Variants in MAJIN observed in about 807,000 individuals in gnomAD.
MAJIN encodes the protein membrane-anchored junction protein.
MAJIN carries 27 observed loss-of-function variants against 30.2 expected under a neutral mutation model. The observed-to-expected ratio is 0.89, with a 90% CI of 0.66 to 1.23. MAJIN has a LOEUF of 1.23. Among genes scored for constraint, MAJIN ranks in the 50% most tolerant of loss-of-function variants. The probability of loss-of-function intolerance (pLI) is 0.00; values close to 1 mark genes in which losing one functional copy is unlikely to be tolerated. For synonymous variants in MAJIN, 78 were observed against 91.6 expected (o/e 0.85, Z 0.85); for missense variants, 253 against 260.3 (o/e 0.97, Z 0.19).
chr11:64,971,466 G>A (rs1288663087), intron 1 of MAJIN, among the ~76,000 whole-genome samples: 2 of 151,668 alleles, frequency 1.3e-5, no homozygotes, highest in Non-Finnish European at 3.0e-5. Flanking sequence ...GAAGTTGCGG[G>A]GGGGCGGGGA....
intron 8 of MAJIN, among the ~76,000 whole-genome samples, chr11:64,943,635 C>G (rs1407690941): frequency 6.6e-6 from 1 of 152,140 alleles, no homozygotes; most frequent in Non-Finnish European, 1.5e-5. Flanking sequence ...GTCTTTAGGC[C>G]TTGAGTCAAA....
intron 4 of MAJIN, 91 bp from the exon 5 acceptor site, chr11:64,950,521 C>CCTG: frequency 9.7e-7 from 1 of 1,033,298 alleles, no homozygotes. Context: ...ACCCTATACA[C>CCTG]TATCAAAACT....
rs1406830359 is a variant in MAJIN at position 64,960,835 on chromosome 11, A to G, written c.-64-700T>C. 7.9e-5 allele frequency among the ~76,000 whole-genome samples: 12 copies of G among 152,354 alleles called. No homozygotes were observed. The East Asian group carries it at 2.3e-3, about 29-fold the overall frequency. On this transcript the variant is annotated intron_variant, in intron 1 of 10. Transcript: ENST00000301896. Reference sequence around the variant, plus strand: ...TCCAAAGTTCAAGTCTGGGGCTGCCAGTAAAGAGATACCCCAGTATCTGAT... The same window carrying G: ...TCCAAAGTTCAAGTCTGGGGCTGCCGGTAAAGAGATACCCCAGTATCTGAT...
intron 8 of MAJIN, chr11:64,946,037 C>CT: frequency 6.9e-7 from 1 of 1,459,126 alleles, no homozygotes; most frequent in Non-Finnish European, 9.1e-7. Context: ...ACAGGAATAG[C>CT]TAATAGCCTT....
At chr11:64,966,285 A>C (rs1945808412) in intron 1 of MAJIN, among the ~76,000 whole-genome samples, 1 of 152,090 alleles carries the variant, frequency 6.6e-6, no homozygotes, top group African/African-American at 2.4e-5. Context: ...CTGTAATCTT[A>C]GCACTCTGGG....
At chr11:64,947,717 A>G (rs1590693541) in intron 7 of MAJIN, 71 bp downstream of exon 7, 1 of 1,510,552 alleles carries the variant, frequency 6.6e-7, no homozygotes, top group Non-Finnish European at 9.2e-7. Flanking sequence ...GGAAGAGGCA[A>G]GAGCAGGACT....
At chr11:64,952,599 TCTAGGTTACATAA>T (rs1230446982) in intron 4 of MAJIN, among the ~76,000 whole-genome samples, 2 of 152,184 alleles carry the variant, frequency 1.3e-5, no homozygotes, top group Non-Finnish European at 2.9e-5. Context: ...AAAAATGTAG[TCTAGGTTACATAA>T]CTAGAAATAG....
chr11:64,940,670 A>C (rs1316886381), intron 8 of MAJIN, 24 bp from the exon 9 acceptor site: 1 of 1,606,394 alleles, frequency 6.2e-7, no homozygotes, highest in South Asian at 1.1e-5. Context: ...GACCAAGAAA[A>C]GCCTTAAACT....
chr11:64,939,260 C>A (rs1945336364), intron 10 of MAJIN, among the ~76,000 whole-genome samples: 2 of 152,156 alleles, frequency 1.3e-5, no homozygotes, highest in Admixed American at 1.3e-4. Context: ...TAGCACCATG[C>A]CCGGCTAATT....
intron 4 of MAJIN, 178 bp downstream of exon 4, chr11:64,954,579 T>A: frequency 1.4e-6 from 1 of 718,240 alleles, no homozygotes; most frequent in Middle Eastern, 2.3e-4. Flanking sequence ...TGAGAAAGAA[T>A]ACAGGCTTTA....
chr11:64,956,212 A>G (rs936467354), intron 3 of MAJIN, among the ~76,000 whole-genome samples: 10 of 152,188 alleles, frequency 6.6e-5, no homozygotes, highest in Non-Finnish European at 8.8e-5. Flanking sequence ...AGGCAGGAGA[A>G]TTGCTTGAAC....
chr11:64,939,090 G>A (rs1167709471), intron 10 of MAJIN, among the ~76,000 whole-genome samples: 2 of 151,916 alleles, frequency 1.3e-5, no homozygotes, highest in African/African-American at 4.8e-5. Flanking sequence ...CACCACATCC[G>A]GCTAATTTTA....
chr11:64,963,490 A>C (rs1447204621), intron 1 of MAJIN, among the ~76,000 whole-genome samples: 1 of 152,192 alleles, frequency 6.6e-6, no homozygotes, highest in Non-Finnish European at 1.5e-5. Context: ...GACAACTGAT[A>C]AAGTCTTTCA....
At position 64,957,811 on chromosome 11, in the gene MAJIN, C is replaced by T. The variant is rs1344209089; in HGVS notation, c.101+1494G>A. Among the ~76,000 whole-genome samples, 9 of 152,338 alleles carry T rather than the reference C, an allele frequency of 5.9e-5. No individual in the cohort carries two copies. In the East Asian group the frequency reaches 1.3e-3, roughly 23 times the overall value. On this transcript the variant is annotated intron_variant, in intron 3 of 10. Transcript: ENST00000301896. ...TCCCGGGTTCAAGCGATTCTCCTGCCTCAGCCTCCTGAATAGCTGGGATTA... is the reference window on the plus strand; with the variant it reads ...TCCCGGGTTCAAGCGATTCTCCTGCTTCAGCCTCCTGAATAGCTGGGATTA...
intron 8 of MAJIN, chr11:64,946,048 GAAGGCTCCATTTTAGTACT>G (rs1322077854): frequency 1.2e-5 from 18 of 1,494,416 alleles, no homozygotes; most frequent in Middle Eastern, 1.9e-4. Flanking sequence ...TAATAGCCTT[GAAGGCTCCATTTTAGTACT>G]AAGGCTCCAT....
chr11:64,965,904 C>T (rs993230735), intron 1 of MAJIN, among the ~76,000 whole-genome samples: 32 of 149,310 alleles, frequency 2.1e-4, no homozygotes, highest in Admixed American at 1.5e-3. Context: ...TGCAGTGAGC[C>T]GAGACTACGC....
intron 1 of MAJIN, among the ~76,000 whole-genome samples, chr11:64,965,748 A>G (rs1026113181): frequency 6.6e-6 from 1 of 152,080 alleles, no homozygotes; most frequent in Non-Finnish European, 1.5e-5. Context: ...CGAGGTCAGG[A>G]GATCGATACT....
chr11:64,940,831 C>CT (rs1945364488), intron 8 of MAJIN, among the ~76,000 whole-genome samples, 185 bp from the exon 9 acceptor site: 2 of 85,032 alleles, frequency 2.4e-5, no homozygotes, highest in Non-Finnish European at 4.5e-5. Flanking sequence ...TTCTTTTTTT[C>CT]TTTCTTTTTT....
intron 1 of MAJIN, among the ~76,000 whole-genome samples, chr11:64,966,943 AAAAAGAAAG>A (rs1384072480): frequency 6.6e-6 from 1 of 151,646 alleles, no homozygotes; most frequent in Non-Finnish European, 1.5e-5. Context: ...AAAAAAAAAA[AAAAAGAAAG>A]AAAAAGAAAT....
Sources: allele counts gnomAD v4.1 joint callset (sites outside exome capture counted in the v4.1 genomes callset), GRCh38; gene constraint gnomAD v4.1.1; transcripts MANE v1.5; gene names NCBI Gene and HGNC (gene_info 2026-07-23, HGNC 2026-07-21).